MIB1: variants seen among roughly 807,000 people sequenced by gnomAD.
The protein encoded by MIB1 is MIB E3 ubiquitin protein ligase 1.
In MIB1, 278 loss-of-function variants were observed where a neutral mutation model predicts 124.5. The observed-to-expected ratio is 2.23, with a 90% CI of 2.02 to 2.47. The LOEUF is 2.47. Among genes scored for constraint, MIB1 ranks in the 30% most tolerant of loss-of-function variants. The pLI, the probability that MIB1 is intolerant of heterozygous loss-of-function variation, is 0.00. For synonymous variants in MIB1, 446 were observed against 429.4 expected, an observed-to-expected ratio of 1.04 and a Z score of -0.48; for missense variants, 957 against 1,254.4, an observed-to-expected ratio of 0.76 and a Z score of 3.58.
intron 18 of MIB1, among the ~76,000 whole-genome samples, chr18:21,854,408 CAT>C (rs1568228325): frequency 1.3e-5 from 2 of 152,124 alleles, no homozygotes; most frequent in African/African-American, 4.8e-5. Context: ...AAACTGGTCT[CAT>C]AAAAGCAGAT....
At position 21,815,769 on chromosome 18, in the gene MIB1, G is replaced by A. The variant is rs1210575720; in HGVS notation, c.1633G>A (p.Val545Ile). 1 of 1,614,164 alleles carries A rather than the reference G, an allele frequency of 6.2e-7. No individual in the cohort carries two copies. Among genetic ancestry groups the A allele is most frequent in the Non-Finnish European group, 8.5e-7 (1 of 1,180,020 alleles). Residue 545 changes from valine (V) to isoleucine (I), a missense_variant, in exon 11 of 21, where the codon GTT becomes ATT. By Grantham distance (29) the Val-to-Ile change is conservative. Transcript: ENST00000261537. ...HIAVNKGHLQ[V>I]VKTLLDFGCH... is the part of the protein sequence containing the mutation. ...TGCTGTCAATAAAGGTCATCTTCAA[G>A]TTGTGAAGACTTTATTGGACTTTGG...
chr18:21,717,085 A>C (rs757506835), intron 1 of MIB1, among the ~76,000 whole-genome samples: 10 of 152,198 alleles, frequency 6.6e-5, no homozygotes, highest in Non-Finnish European at 1.5e-4. Flanking sequence ...AGAATAGAGA[A>C]CCCAGAAATA....
chr18:21,824,167 G>A (rs566821766), intron 12 of MIB1, among the ~76,000 whole-genome samples: 1 of 152,224 alleles, frequency 6.6e-6, no homozygotes, highest in Non-Finnish European at 1.5e-5. Flanking sequence ...AATTGAATGT[G>A]AAAAGTAAAC....
chr18:21,863,159 C>T (rs998358797), intron 20 of MIB1, among the ~76,000 whole-genome samples: 12 of 152,200 alleles, frequency 7.9e-5, no homozygotes, highest in South Asian at 2.1e-4. Flanking sequence ...AGGATCCATG[C>T]AGCGGCACCC....
intron 1 of MIB1, among the ~76,000 whole-genome samples, chr18:21,709,880 T>G (rs2040658055): frequency 6.6e-6 from 1 of 152,224 alleles, no homozygotes; most frequent in Admixed American, 6.5e-5. Flanking sequence ...ACGATTGAAC[T>G]GCATGTGCAA....
chr18:21,770,370 C>T (rs2041210970), intron 3 of MIB1, among the ~76,000 whole-genome samples: 1 of 152,016 alleles, frequency 6.6e-6, no homozygotes, highest in Non-Finnish European at 1.5e-5. Context: ...TTGTTTTGGC[C>T]TATGTATGTG....
chr18:21,765,770 A>T lies in MIB1; in HGVS notation c.230-2A>T. On this transcript the variant is annotated splice_acceptor_variant, in intron 1 of 20. Transcript: ENST00000261537. LOFTEE classifies it high-confidence loss of function. ...TCTGAGCATGTGTCCTTGTTTTAAT[A>T]GGCATCAAGCATGATGGAACCATGT... 6.2e-7 allele frequency: 1 copy of T among 1,611,410 alleles called. No individual in the cohort carries two copies. Among genetic ancestry groups the T allele is most frequent in the Non-Finnish European group, 8.5e-7 (1 of 1,178,226 alleles).
intron 10 of MIB1, among the ~76,000 whole-genome samples, chr18:21,810,332 A>G (rs2041757203): frequency 6.6e-6 from 1 of 152,112 alleles, no homozygotes; most frequent in Admixed American, 6.5e-5. Flanking sequence ...AGATCTACAT[A>G]TTCAATGAAA....
intron 12 of MIB1, among the ~76,000 whole-genome samples, chr18:21,821,594 G>GTTTTTTTTTTT: frequency 6.8e-6 from 1 of 146,216 alleles, no homozygotes; most frequent in Non-Finnish European, 1.5e-5. Flanking sequence ...TGTTTTTTTT[G>GTTTTTTTTTTT]TTTTTTTTGT....
chr18:21,771,844 A>AAC (rs2041227112), intron 3 of MIB1, among the ~76,000 whole-genome samples: 1 of 151,964 alleles, frequency 6.6e-6, no homozygotes, highest in African/African-American at 2.4e-5. Flanking sequence ...AAAAAAAAAA[A>AAC]CGAAAATTAG....
chr18:21,809,385 A>G (rs944950887), intron 10 of MIB1, among the ~76,000 whole-genome samples: 9 of 152,094 alleles, frequency 5.9e-5, no homozygotes, highest in Non-Finnish European at 1.2e-4. Context: ...ATTAGAGAGG[A>G]GGGAAGACTT....
intron 10 of MIB1, among the ~76,000 whole-genome samples, chr18:21,812,187 C>A (rs555875816): frequency 6.6e-6 from 1 of 151,944 alleles, no homozygotes; most frequent in Admixed American, 6.6e-5. Flanking sequence ...AAGAGGGTGA[C>A]GACAAAGAGC....
chr18:21,858,869 A>C (rs1568230075), intron 20 of MIB1, among the ~76,000 whole-genome samples: 1 of 152,226 alleles, frequency 6.6e-6, no homozygotes, highest in South Asian at 2.1e-4. Flanking sequence ...GTCCAACCAC[A>C]TTAGTGATCA....
chr18:21,794,172 C>T (rs564530970), intron 7 of MIB1: 10 of 149,978 alleles, frequency 6.7e-5, no homozygotes, highest in Admixed American at 5.3e-4. Context: ...AAAAAAATTG[C>T]AAAAAAACGA....
chr18:21,847,038 G>GAAAT lies in MIB1; in HGVS notation c.2309_2312dup (p.Lys772Ter), dbSNP rs978361136. 1 of 1,614,068 alleles carries GAAAT rather than the reference G, an allele frequency of 6.2e-7. No individual in the cohort carries two copies. Among genetic ancestry groups the GAAAT allele is most frequent in the Non-Finnish European group, 8.5e-7 (1 of 1,180,006 alleles). ...GCCAATGGTGCTGACCTGAGCATTC[G>GAAAT]AAATAAGAAGGGTCAATCGCCACTT... On this transcript the variant is annotated frameshift_variant, in exon 16 of 21. Transcript: ENST00000261537. LOFTEE classifies it high-confidence loss of function.
At position 21,864,551 on chromosome 18, in the gene MIB1, G is replaced by A. The variant is rs769090925; in HGVS notation, c.2906G>A (p.Arg969His). The change falls in exon 21 of 21, where the codon CGT becomes CAT. Residue 969 changes from arginine (R) to histidine (H), a missense_variant. By Grantham distance (29) the Arg-to-His change is conservative (BLOSUM62 0). Transcript: ENST00000261537. ...ACAATGTGCCCTGTGTGTCTAGATC[G>A]TCTGAAGAATATGATTTTCCTTTGT... Reference protein sequence around the residue: ...EQTMCPVCLDRLKNMIFLCGH... With the variant: ...EQTMCPVCLDHLKNMIFLCGH... 13 of 1,613,282 alleles carry A rather than the reference G, an allele frequency of 8.1e-6. No individual in the cohort carries two copies. Among genetic ancestry groups the A allele is most frequent in the Middle Eastern group, 1.7e-4 (1 of 6,058 alleles).
At chr18:21,763,661 T>C (rs940901996) in intron 1 of MIB1, among the ~76,000 whole-genome samples, 1 of 152,312 alleles carries the variant, frequency 6.6e-6, no homozygotes, top group Non-Finnish European at 1.5e-5. Flanking sequence ...TAAATATTTC[T>C]AATACTTAAC....
chr18:21,815,273 A>G (rs928998573), intron 10 of MIB1, among the ~76,000 whole-genome samples: 8 of 151,180 alleles, frequency 5.3e-5, no homozygotes, highest in Non-Finnish European at 7.4e-5. Context: ...GGCTCAAGCA[A>G]TCCTCCTGTG....
rs1339509418 is a variant in MIB1, at chr18:21,785,540, T to C, written c.909-5834T>C. On this transcript the variant is annotated intron_variant, in intron 6 of 20. Transcript: ENST00000261537. ...TTAACTCCTCCACATTGTGACTTGT[T>C]GTCTCTGTGTACATCTTTTGATATT... Among the ~76,000 whole-genome samples the C allele has an allele frequency of 2.6e-5, 4 of 152,232 alleles. No individual in the cohort carries two copies. In the East Asian group the frequency reaches 7.7e-4, roughly 29 times the overall value.
Sources: allele counts gnomAD v4.1 joint callset (sites outside exome capture counted in the v4.1 genomes callset), GRCh38; gene constraint gnomAD v4.1.1; transcripts MANE v1.5; gene names NCBI Gene and HGNC (gene_info 2026-07-23, HGNC 2026-07-21).